Variants in FGF12 observed in about 807,000 individuals in gnomAD.
FGF12 encodes the protein fibroblast growth factor 12B.
Under a neutral mutation model 23.6 loss-of-function variants are expected in FGF12, and 14 were observed. The ratio of observed to expected loss-of-function variants is 0.59; its 90% confidence interval spans 0.39 to 0.93. The LOEUF (loss-of-function observed/expected upper bound fraction) is 0.93, where lower values mean the gene tolerates loss of function less well. FGF12 is among the 40% of genes least tolerant of loss of function. The pLI is 0.00. For synonymous variants in FGF12, 62 were observed against 77.3 expected, an observed-to-expected ratio of 0.80 and a Z score of 1.04; for missense variants, 175 against 217.8, an observed-to-expected ratio of 0.80 and a Z score of 1.24.
At chr3:192,389,899 A>G (rs1200272748) in intron 2 of FGF12, among the ~76,000 whole-genome samples, 2 of 152,236 alleles carry the variant, frequency 1.3e-5, no homozygotes, top group East Asian at 3.8e-4. Flanking sequence ...ATCATGCTCT[A>G]AGTTTCTCTT....
At chr3:192,158,387 C>CTTTCTTTTA in intron 5 of FGF12, among the ~76,000 whole-genome samples, 1 of 71,752 alleles carries the variant, frequency 1.4e-5, no homozygotes, top group African/African-American at 1.0e-4. Context: ...TCTTTCTTTT[C>CTTTCTTTTA]TTTCTCTCTC....
intron 2 of FGF12, among the ~76,000 whole-genome samples, chr3:192,608,833 A>G (rs913302290): frequency 2.6e-5 from 4 of 152,190 alleles, no homozygotes; most frequent in Admixed American, 6.6e-5. Context: ...GAGAGACATA[A>G]CATGACTCTT....
At chr3:192,457,028 C>T (rs1371345334) in intron 2 of FGF12, among the ~76,000 whole-genome samples, 2 of 152,152 alleles carry the variant, frequency 1.3e-5, no homozygotes. Flanking sequence ...GGGAATAAGT[C>T]TCATGAGATC....
intron 4 of FGF12, among the ~76,000 whole-genome samples, chr3:192,226,106 A>C (rs1458572861): frequency 6.6e-6 from 1 of 152,180 alleles, no homozygotes; most frequent in African/African-American, 2.4e-5. Context: ...CTGCAAAAAA[A>C]CAAAACCCTA....
rs1182598048 is a variant in FGF12 at position 192,727,418 on chromosome 3, C to T, written c.-131+66G>A. 6 of 1,304,230 alleles carry T rather than the reference C, an allele frequency of 4.6e-6. No homozygotes were observed. In the East Asian group the frequency reaches 1.5e-4, roughly 33 times the overall value. 80.8% of individuals were successfully genotyped at this position (1,304,230 alleles called of 1,614,324 possible). A position where few individuals can be genotyped will look rare whatever the true frequency, so the allele number is the denominator to read the frequency against. ...GATTGCCTCTACAGGGGATACGTTG[C>T]GACGCGCATCTGATACTGAAATGCA... On this transcript the variant is annotated intron_variant, in intron 1 of 5. Coordinates refer to ENST00000445105, the MANE Select transcript of FGF12 (RefSeq NM_004113.6).
At chr3:192,337,773 T>C (rs1717490573) in intron 3 of FGF12, among the ~76,000 whole-genome samples, 2 of 152,216 alleles carry the variant, frequency 1.3e-5, no homozygotes, top group Admixed American at 6.5e-5. Flanking sequence ...CTAAGAGCTA[T>C]TTGTCATGAA....
intron 2 of FGF12, among the ~76,000 whole-genome samples, chr3:192,462,308 G>A (rs1162007497): frequency 6.6e-6 from 1 of 152,036 alleles, no homozygotes; most frequent in Non-Finnish European, 1.5e-5. Flanking sequence ...AATGGTGAGT[G>A]GGTCTTGAGG....
intron 3 of FGF12, among the ~76,000 whole-genome samples, chr3:192,352,971 A>G (rs1266489576): frequency 6.6e-6 from 1 of 152,176 alleles, no homozygotes; most frequent in Non-Finnish European, 1.5e-5. Flanking sequence ...TTCAGAACAA[A>G]GGGTATTTAG....
At chr3:192,400,250 C>T (rs376545034) in intron 2 of FGF12, among the ~76,000 whole-genome samples, 44 of 152,070 alleles carry the variant, frequency 2.9e-4, no homozygotes, top group Non-Finnish European at 5.1e-4. Context: ...CTTGACGATT[C>T]GAAGGCCAAT....
chr3:192,639,871 C>A (rs1715725469), intron 2 of FGF12, among the ~76,000 whole-genome samples: 1 of 151,984 alleles, frequency 6.6e-6, no homozygotes, highest in Non-Finnish European at 1.5e-5. Context: ...ACTGTATATA[C>A]AATGAAGTGT....
At chr3:192,169,985 G>C (rs1715454029) in intron 5 of FGF12, among the ~76,000 whole-genome samples, 1 of 148,186 alleles carries the variant, frequency 6.7e-6, no homozygotes, top group African/African-American at 2.5e-5. Flanking sequence ...TTTTTCAAGG[G>C]TGTATCTTGA....
At chr3:192,278,222 A>G (rs375074419) in intron 4 of FGF12, among the ~76,000 whole-genome samples, 1 of 152,346 alleles carries the variant, frequency 6.6e-6, no homozygotes, top group South Asian at 2.1e-4. Context: ...CAGGGAATAG[A>G]TATGAACTCT....
intron 4 of FGF12, among the ~76,000 whole-genome samples, chr3:192,261,485 G>A (rs189128827): frequency 1.3e-5 from 2 of 152,132 alleles, no homozygotes; most frequent in African/African-American, 4.8e-5. Context: ...GATTACACAA[G>A]CTTTTAAGTT....
intron 2 of FGF12, among the ~76,000 whole-genome samples, chr3:192,582,693 A>G (rs1045596167): frequency 1.3e-5 from 2 of 151,688 alleles, no homozygotes; most frequent in African/African-American, 2.4e-5. Flanking sequence ...AAAAAAAGAA[A>G]AAAAAAAATC....
chr3:192,632,820 T>C (rs538750196), intron 2 of FGF12, among the ~76,000 whole-genome samples: 1 of 152,092 alleles, frequency 6.6e-6, no homozygotes, highest in Non-Finnish European at 1.5e-5. Context: ...ATGCATTTTC[T>C]CATGGTTATA....
intron 2 of FGF12, among the ~76,000 whole-genome samples, chr3:192,681,487 T>C (rs1350060638): frequency 1.3e-5 from 2 of 152,186 alleles, no homozygotes; most frequent in Non-Finnish European, 2.9e-5. Context: ...ATACAAGTCG[T>C]GAGATTCTAG....
chr3:192,666,735 C>T (rs148663123), intron 2 of FGF12, among the ~76,000 whole-genome samples: 1 of 152,174 alleles, frequency 6.6e-6, no homozygotes, highest in Admixed American at 6.5e-5. Context: ...GTCCTGACAG[C>T]CTACAGTGTA....
Position 192,478,924 on chromosome 3 carries a change from T to C in FGF12, c.14-118386A>G, listed in dbSNP as rs1723403291. 2.0e-5 allele frequency among the ~76,000 whole-genome samples: 3 copies of C among 152,316 alleles called. No homozygotes were observed. In the South Asian group the frequency reaches 6.2e-4, roughly 32 times the overall value. The stretch of plus-strand genomic sequence containing the variant: ...TTTAATTCTTACTAAAAGTTTTCTC[T>C]GGTTAGAACCTGCTCAGTCCACTTT... On this transcript the variant is annotated intron_variant, in intron 2 of 5. Transcript: ENST00000445105.
chr3:192,663,489 A>G (rs1344951223), intron 2 of FGF12, among the ~76,000 whole-genome samples: 1 of 152,154 alleles, frequency 6.6e-6, no homozygotes, highest in African/African-American at 2.4e-5. Flanking sequence ...TGTGAAGCCC[A>G]TAAAATCTTA....
Sources: gnomAD v4.1 joint callset for allele counts (sites outside exome capture counted in the v4.1 genomes callset) on GRCh38, gnomAD v4.1.1 for gene constraint, MANE v1.5 for transcripts, NCBI Gene and HGNC (gene_info 2026-07-23, HGNC 2026-07-21) for gene names.